The following CATSPERE variants were observed in gnomAD, a reference collection of about 807,000 sequenced individuals.
CATSPERE encodes catsper channel auxiliary subunit epsilon, also known as cation channel sperm-associated auxiliary subunit epsilon.
A neutral mutation model predicts 114.1 loss-of-function variants in CATSPERE; 93 were observed. That is an observed-to-expected ratio of 0.81 (90% confidence interval 0.69 to 0.97). CATSPERE has a LOEUF of 0.97. CATSPERE is among the 50% of genes least tolerant of loss of function. The pLI, the probability that CATSPERE is intolerant of heterozygous loss-of-function variation, is 0.00. For synonymous variants in CATSPERE, 341 were observed against 384.1 expected (o/e 0.89, Z 1.31); for missense variants, 1,058 against 1,131.6 (o/e 0.93, Z 0.93).
chr1:244,480,154 A>G (rs1224424290), intron 5 of CATSPERE, among the ~76,000 whole-genome samples: 1 of 152,234 alleles, frequency 6.6e-6, no homozygotes, highest in Non-Finnish European at 1.5e-5. Flanking sequence ...TGGTTTTTCA[A>G]TCCAGAGGGC....
intron 11 of CATSPERE, among the ~76,000 whole-genome samples, chr1:244,579,972 C>T (rs771088093): frequency 6.6e-6 from 1 of 152,226 alleles, no homozygotes; most frequent in Middle Eastern, 3.4e-3. Context: ...TATATGTATG[C>T]ATTACTACAA....
At chr1:244,553,356 T>G (rs1354526273) in intron 9 of CATSPERE, among the ~76,000 whole-genome samples, 1 of 151,770 alleles carries the variant, frequency 6.6e-6, no homozygotes, top group Non-Finnish European at 1.5e-5. Context: ...TGTCAGGAGA[T>G]GGAGACCATG....
intron 20 of CATSPERE, among the ~76,000 whole-genome samples, chr1:244,620,023 T>C (rs559021289): frequency 6.6e-6 from 1 of 152,352 alleles, no homozygotes; most frequent in East Asian, 1.9e-4. Flanking sequence ...AAATTATTCA[T>C]TAACCTAAGT....
rs188967690 is a variant in CATSPERE at position 244,515,080 on chromosome 1, G to C, written c.430-3512G>C. 7.2e-5 allele frequency among the ~76,000 whole-genome samples: 11 copies of C among 152,264 alleles called. No individual in the cohort carries two copies. In the East Asian group the frequency reaches 1.9e-3, roughly 27 times the overall value. On this transcript the variant is annotated intron_variant, in intron 7 of 21. Coordinates refer to ENST00000366534, the MANE Select transcript of CATSPERE (RefSeq NM_001130957.2). ...CTTCAATGTTTGGCCATTGTACTAA[G>C]AATAAAATCTAACTTATTTTCCAAA...
intron 17 of CATSPERE, among the ~76,000 whole-genome samples, chr1:244,597,967 G>A (rs1001982593): frequency 3.9e-5 from 6 of 152,124 alleles, no homozygotes; most frequent in African/African-American, 9.7e-5. Context: ...TAAACATTGC[G>A]TTCTTACCTT....
At chr1:244,532,887 G>A (rs1679830391) in intron 8 of CATSPERE, among the ~76,000 whole-genome samples, 2 of 152,086 alleles carry the variant, frequency 1.3e-5, no homozygotes, top group South Asian at 4.1e-4. Context: ...GTCTGTAGTG[G>A]AGATTAAGTC....
chr1:244,560,649 A>G lies in CATSPERE; in HGVS notation c.1030-19A>G, dbSNP rs751437923. ...TCTAAAATCGAAGATCTTTCTCATCATTTTTCATTTTGTCACAGGCTAAAG... is the reference window on the plus strand; with the variant it reads ...TCTAAAATCGAAGATCTTTCTCATCGTTTTTCATTTTGTCACAGGCTAAAG... On this transcript the variant is annotated intron_variant, in intron 9 of 21. Coordinates refer to ENST00000366534, the MANE Select transcript of CATSPERE (RefSeq NM_001130957.2). 1 of 1,376,180 alleles carries G rather than the reference A, an allele frequency of 7.3e-7. No homozygotes were observed. Among genetic ancestry groups the G allele is most frequent in the East Asian group, 2.6e-5 (1 of 38,262 alleles). The allele number at this position is 1,376,180 out of a possible 1,614,324, so 85.2% of individuals were successfully genotyped here.
At chr1:244,621,634 T>C (rs1672410847) in intron 20 of CATSPERE, among the ~76,000 whole-genome samples, 1 of 151,728 alleles carries the variant, frequency 6.6e-6, no homozygotes, top group African/African-American at 2.4e-5. Context: ...AAAACCAACC[T>C]ACAAAGTCTT....
chr1:244,525,998 A>G (rs1312534495), intron 8 of CATSPERE, among the ~76,000 whole-genome samples: 1 of 152,200 alleles, frequency 6.6e-6, no homozygotes, highest in Non-Finnish European at 1.5e-5. Context: ...CTGTGGCCTC[A>G]TGGTCACAAG....
At chr1:244,558,728 C>T (rs988566113) in intron 9 of CATSPERE, among the ~76,000 whole-genome samples, 1 of 152,102 alleles carries the variant, frequency 6.6e-6, no homozygotes, top group Admixed American at 6.5e-5. Context: ...ATCTTCCTCT[C>T]TTCCTCCCCT....
chr1:244,562,431 TC>T (rs988908867), intron 10 of CATSPERE, among the ~76,000 whole-genome samples: 2 of 152,174 alleles, frequency 1.3e-5, no homozygotes, highest in African/African-American at 2.4e-5. Flanking sequence ...TACAAGTGTT[TC>T]TGTAATATAA....
At chr1:244,599,965 G>C (rs751858976) in intron 17 of CATSPERE, among the ~76,000 whole-genome samples, 27 of 152,246 alleles carry the variant, frequency 1.8e-4, no homozygotes, top group Admixed American at 3.9e-4. Context: ...TTTTTTTAAA[G>C]AGGAAGATAG....
Position 244,563,020 on chromosome 1 carries a change from T to C in CATSPERE, c.1507+1875T>C, listed in dbSNP as rs557723065. Reference sequence around the variant, plus strand: ...TGTTCCTGTGTTAGTTTGCTGAGAATGATGGTTTCCAGCTTTATCCATGTC... The same window carrying C: ...TGTTCCTGTGTTAGTTTGCTGAGAACGATGGTTTCCAGCTTTATCCATGTC... On this transcript the variant is annotated intron_variant, in intron 10 of 21. Transcript: ENST00000366534. Among the ~76,000 whole-genome samples the C allele has an allele frequency of 2.8e-4, 42 of 152,322 alleles. 1 individual carries two copies. Among genetic ancestry groups the C allele is most frequent in the Middle Eastern group, 3.4e-3 (1 of 294 alleles).
chr1:244,536,649 G>T (rs3005984), intron 8 of CATSPERE, among the ~76,000 whole-genome samples: 132,317 of 152,144 alleles, frequency 0.87, 58,516 homozygotes, highest in East Asian at 1. Flanking sequence ...AAGGGGTGAC[G>T]TTGGCAACTC....
At chr1:244,620,618 A>T (rs975707018) in intron 20 of CATSPERE, among the ~76,000 whole-genome samples, 1 of 152,216 alleles carries the variant, frequency 6.6e-6, no homozygotes, top group Non-Finnish European at 1.5e-5. Context: ...TAAAAAATAT[A>T]AATAGCATTC....
At chr1:244,454,894 A>C (rs578003343) in intron 1 of CATSPERE, among the ~76,000 whole-genome samples, 1 of 152,258 alleles carries the variant, frequency 6.6e-6, no homozygotes, top group African/African-American at 2.4e-5. Flanking sequence ...ACTTTGCTAC[A>C]GGTCCCTGAA....
intron 18 of CATSPERE, 74 bp from the exon 19 acceptor site, chr1:244,610,161 CAACAA>C: frequency 1.1e-6 from 1 of 899,272 alleles, no homozygotes; most frequent in Non-Finnish European, 1.7e-6. Flanking sequence ...TTTTCAATAG[CAACAA>C]AACATTAAAT....
chr1:244,517,473 A>G (rs867481556), intron 7 of CATSPERE, among the ~76,000 whole-genome samples: 1 of 151,914 alleles, frequency 6.6e-6, no homozygotes, highest in African/African-American at 2.4e-5. Context: ...GTATTTCTCT[A>G]TAAACATCAT....
In CATSPERE at chr1:244,633,024, CAAGG is replaced by C. The variant is rs1485355287; in HGVS notation, c.2649-2460_2649-2457del. On this transcript the variant is annotated intron_variant, in intron 20 of 21. Transcript: ENST00000366534. This position sits in a 1 kb window ranked among gnomAD's most constrained non-coding sequence, Gnocchi z 4.1. ...ATAGCAGATAAAGAGGAATTCAGAA[CAAGG>C]AAGGTATAAAGAGACACATTACATA... 1.3e-5 allele frequency among the ~76,000 whole-genome samples: 2 copies of C among 152,068 alleles called. No individual in the cohort carries two copies. Among genetic ancestry groups the C allele is most frequent in the Non-Finnish European group, 2.9e-5 (2 of 67,996 alleles).
Sources: allele counts gnomAD v4.1 joint callset (sites outside exome capture counted in the v4.1 genomes callset), GRCh38; gene constraint gnomAD v4.1.1; non-coding constraint Gnocchi (gnomAD v3.1); transcripts MANE v1.5; gene names NCBI Gene and HGNC (gene_info 2026-07-23, HGNC 2026-07-21).